CCDC178: variants seen among roughly 807,000 people sequenced by gnomAD.
CCDC178 encodes the protein coiled-coil domain-containing protein 178.
In CCDC178, 126 loss-of-function variants were observed where a neutral mutation model predicts 117.4. The ratio of observed to expected loss-of-function variants is 1.07; its 90% CI spans 0.93 to 1.24. The LOEUF is 1.24. CCDC178 is among the 50% of genes most tolerant of loss of function. CCDC178 has a pLI of 0.00. For missense variants in CCDC178, 1,030 were observed against 986.9 expected (o/e 1.04, Z -0.59); for synonymous variants, 283 against 313.4 (o/e 0.90, Z 1.02).
At chr18:33,374,154 A>G (rs2063334685) in intron 5 of CCDC178, among the ~76,000 whole-genome samples, 1 of 152,136 alleles carries the variant, frequency 6.6e-6, no homozygotes, top group African/African-American at 2.4e-5. Context: ...GGACAGTGGA[A>G]ACATCTGGAA....
At chr18:33,127,745 G>T in intron 20 of CCDC178, among the ~76,000 whole-genome samples, 1 of 152,046 alleles carries the variant, frequency 6.6e-6, no homozygotes, top group South Asian at 2.1e-4. Flanking sequence ...TGATCAGTTG[G>T]TATTTTTAAC....
chr18:33,164,394 A>G (rs2058503626), intron 20 of CCDC178, among the ~76,000 whole-genome samples: 2 of 152,070 alleles, frequency 1.3e-5, no homozygotes, highest in Admixed American at 6.6e-5. Context: ...GATAACAGGT[A>G]TGAGACACTG....
At chr18:33,061,666 C>T (rs1325331516) in intron 21 of CCDC178, among the ~76,000 whole-genome samples, 1 of 152,200 alleles carries the variant, frequency 6.6e-6, no homozygotes, top group Non-Finnish European at 1.5e-5. Flanking sequence ...TCAGCTACAT[C>T]TTCACACATT....
At chr18:33,351,447 C>T (rs2062979166) in intron 7 of CCDC178, among the ~76,000 whole-genome samples, 1 of 152,154 alleles carries the variant, frequency 6.6e-6, no homozygotes, top group Non-Finnish European at 1.5e-5. Context: ...CCAGCCTTGG[C>T]CTCCCAAAGT....
At chr18:33,429,360 G>A (rs2064172973) in intron 2 of CCDC178, among the ~76,000 whole-genome samples, 1 of 151,932 alleles carries the variant, frequency 6.6e-6, no homozygotes, top group African/African-American at 2.4e-5. Flanking sequence ...AGGAGGGAGG[G>A]GGAGAGAGAG....
At chr18:33,044,656 C>T (rs2056610490) in intron 21 of CCDC178, among the ~76,000 whole-genome samples, 1 of 152,068 alleles carries the variant, frequency 6.6e-6, no homozygotes, top group South Asian at 2.1e-4. Context: ...ACCATTTGAT[C>T]TGGGTATATA....
At chr18:32,996,635 G>C (rs960598421) in intron 21 of CCDC178, among the ~76,000 whole-genome samples, 1 of 151,898 alleles carries the variant, frequency 6.6e-6, no homozygotes, top group African/African-American at 2.4e-5. Flanking sequence ...ATGATTTAAA[G>C]AGTTGAATAC....
chr18:32,941,362 TGTC>T (rs932145810), intron 22 of CCDC178, among the ~76,000 whole-genome samples: 6 of 152,180 alleles, frequency 3.9e-5, no homozygotes, highest in African/African-American at 1.4e-4. Flanking sequence ...CTTTGGCACT[TGTC>T]TATTCAACAG....
chr18:33,035,455 C>G (rs1262638435), intron 21 of CCDC178, among the ~76,000 whole-genome samples: 1 of 151,912 alleles, frequency 6.6e-6, no homozygotes, highest in Admixed American at 6.6e-5. Flanking sequence ...AAAATCCTGT[C>G]TTTTGTGACA....
chr18:33,241,238 C>A (rs1854185727), intron 15 of CCDC178, among the ~76,000 whole-genome samples: 1 of 151,832 alleles, frequency 6.6e-6, no homozygotes, highest in Non-Finnish European at 1.5e-5. Context: ...CAACTAAGAT[C>A]ATACTGAGTG....
intron 21 of CCDC178, among the ~76,000 whole-genome samples, chr18:33,045,970 A>C (rs1353591672): frequency 1.3e-5 from 2 of 152,218 alleles, no homozygotes; most frequent in East Asian, 3.9e-4. Context: ...TGGGAAGCTG[A>C]GGCAGGAGAA....
At chr18:33,165,541 T>C (rs1163599134) in intron 20 of CCDC178, among the ~76,000 whole-genome samples, 2 of 152,176 alleles carry the variant, frequency 1.3e-5, no homozygotes, top group East Asian at 1.9e-4. Flanking sequence ...GAATAAGTTC[T>C]ACAAAATTCT....
chr18:33,395,920 G>C (rs939563336), intron 4 of CCDC178, among the ~76,000 whole-genome samples: 2 of 151,938 alleles, frequency 1.3e-5, no homozygotes, highest in African/African-American at 4.8e-5. Context: ...GCATGACCTT[G>C]GACTAGGATT....
chr18:33,153,025 A>AG (rs1229670596), intron 20 of CCDC178, among the ~76,000 whole-genome samples: 2 of 150,466 alleles, frequency 1.3e-5, no homozygotes, highest in Non-Finnish European at 3.0e-5. Flanking sequence ...TTGTGAAAAA[A>AG]AAAACAGGCA....
At chr18:33,327,500 T>A (rs1187543023) in intron 10 of CCDC178, among the ~76,000 whole-genome samples, 1 of 152,190 alleles carries the variant, frequency 6.6e-6, no homozygotes, top group African/African-American at 2.4e-5. Flanking sequence ...AATATTGTAA[T>A]TCTGTGTTTA....
At chr18:33,148,332 G>A (rs563923748) in intron 20 of CCDC178, among the ~76,000 whole-genome samples, 1 of 152,296 alleles carries the variant, frequency 6.6e-6, no homozygotes, top group South Asian at 2.1e-4. Context: ...CCTGAGGCAG[G>A]AGAATCAGGC....
chr18:33,358,380 T>A (rs533735340), intron 6 of CCDC178, among the ~76,000 whole-genome samples: 12 of 151,950 alleles, frequency 7.9e-5, no homozygotes, highest in Admixed American at 2.0e-4. Flanking sequence ...AAGTACCATA[T>A]GAGATATCAA....
chr18:33,261,139 A>G (rs2059743507), intron 14 of CCDC178, among the ~76,000 whole-genome samples: 1 of 151,826 alleles, frequency 6.6e-6, no homozygotes, highest in Non-Finnish European at 1.5e-5. Context: ...GCTGGAGTGC[A>G]GTGGCACGAG....
intron 11 of CCDC178, among the ~76,000 whole-genome samples, chr18:33,314,674 T>TC (rs1289756353): frequency 6.6e-6 from 1 of 152,176 alleles, no homozygotes; most frequent in Non-Finnish European, 1.5e-5. Flanking sequence ...GATCTGACCT[T>TC]CCATCCCTTC....
Sources: allele counts gnomAD v4.1 joint callset (sites outside exome capture counted in the v4.1 genomes callset), GRCh38; gene constraint gnomAD v4.1.1; transcripts MANE v1.5; gene names NCBI Gene and HGNC (gene_info 2026-07-23, HGNC 2026-07-21).